The following GABRG3 variants were observed in gnomAD, a reference collection of about 807,000 sequenced individuals.
The protein encoded by GABRG3 is gamma-aminobutyric acid type A receptor subunit gamma3.
Under a neutral mutation model 48.8 loss-of-function variants are expected in GABRG3, and 25 were observed. The observed-to-expected ratio is 0.51, with a 90% CI of 0.37 to 0.72. GABRG3 has a LOEUF of 0.72. Ranked by LOEUF, GABRG3 falls within the 30% of genes least tolerant of loss-of-function variation. GABRG3 has a pLI of 0.00. For synonymous variants in GABRG3, 227 were observed against 217.6 expected, an observed-to-expected ratio of 1.04 and a Z score of -0.38; for missense variants, 394 against 577.9, an observed-to-expected ratio of 0.68 and a Z score of 3.26.
At chr15:27,080,528 GAGCTATTC>G (rs1896975832) in intron 3 of GABRG3, among the ~76,000 whole-genome samples, 1 of 152,102 alleles carries the variant, frequency 6.6e-6, no homozygotes, top group South Asian at 2.1e-4. Flanking sequence ...CATGTATTCC[GAGCTATTC>G]AGGAGGCCAG....
chr15:27,485,773 G>A (rs931137888), intron 6 of GABRG3, among the ~76,000 whole-genome samples: 2 of 151,982 alleles, frequency 1.3e-5, no homozygotes, highest in Non-Finnish European at 2.9e-5. Flanking sequence ...GAAGACAATG[G>A]AATTCCAAAT....
chr15:27,383,894 CATA>C (rs1355729196), intron 5 of GABRG3, among the ~76,000 whole-genome samples: 2 of 152,122 alleles, frequency 1.3e-5, no homozygotes, highest in Admixed American at 6.5e-5. Flanking sequence ...TGTTCGTTTT[CATA>C]ATGTCACAAA....
At chr15:27,360,148 C>T (rs892847778) in intron 5 of GABRG3, among the ~76,000 whole-genome samples, 11 of 152,166 alleles carry the variant, frequency 7.2e-5, no homozygotes, top group Non-Finnish European at 1.5e-4. Context: ...GAGGCAGTGA[C>T]ATCCAGGCCC....
At chr15:27,434,509 A>C (rs1454435961) in intron 5 of GABRG3, among the ~76,000 whole-genome samples, 1 of 152,102 alleles carries the variant, frequency 6.6e-6, no homozygotes, top group East Asian at 1.9e-4. Flanking sequence ...AATAATTCAT[A>C]ATAAATAATT....
chr15:27,516,475 C>A (rs1013919938), intron 6 of GABRG3, among the ~76,000 whole-genome samples: 13 of 152,236 alleles, frequency 8.5e-5, no homozygotes, highest in African/African-American at 3.1e-4. Flanking sequence ...AACTGCTCCT[C>A]CTTCCACAGC....
chr15:27,188,152 A>C (rs529887658), intron 3 of GABRG3, among the ~76,000 whole-genome samples: 168 of 152,170 alleles, frequency 1.1e-3, no homozygotes, highest in African/African-American at 4.0e-3. Flanking sequence ...GTTGGTTCCA[A>C]GTCTTTGCTT....
rs374611563 is a variant in GABRG3, at chr15:27,328,127, ACC to A, written c.492-678_492-677del. On this transcript the variant is annotated intron_variant, in intron 4 of 9. Transcript: ENST00000615808. ...CAAAAACAAACAAACAAAAAAAAAAACCAAAAAAAAAAAACACGCCACAGCTG... is the reference window on the plus strand; with the variant it reads ...CAAAAACAAACAAACAAAAAAAAAAAAAAAAAAAAAAACACGCCACAGCTG... Among the ~76,000 whole-genome samples the A allele has an allele frequency of 3.5e-4, 44 of 124,514 alleles. No homozygotes were observed. In the East Asian group the frequency reaches 8.8e-3, roughly 25 times the overall value. The allele number at this position is 124,514 out of a possible 152,430, so 81.7% of individuals were successfully genotyped here. A position where few individuals can be genotyped will look rare whatever the true frequency, so the allele number is the denominator to read the frequency against.
chr15:27,144,176 G>A (rs1898156221), intron 3 of GABRG3, among the ~76,000 whole-genome samples: 1 of 152,150 alleles, frequency 6.6e-6, no homozygotes, highest in Admixed American at 6.5e-5. Flanking sequence ...AATCTAAGTA[G>A]CATTTATTCA....
At chr15:27,136,309 C>A (rs910246273) in intron 3 of GABRG3, among the ~76,000 whole-genome samples, 1 of 152,070 alleles carries the variant, frequency 6.6e-6, no homozygotes, top group African/African-American at 2.4e-5. Context: ...TCTATAATGG[C>A]CAACATGGAA....
chr15:27,499,152 T>A (rs1042947988), intron 6 of GABRG3, among the ~76,000 whole-genome samples: 7 of 152,214 alleles, frequency 4.6e-5, no homozygotes, highest in African/African-American at 1.7e-4. Context: ...AATTACAAAT[T>A]AAAACAGTTC....
intron 2 of GABRG3, among the ~76,000 whole-genome samples, chr15:27,020,591 G>A (rs1272839241): frequency 7.1e-6 from 1 of 140,808 alleles, no homozygotes; most frequent in Non-Finnish European, 1.6e-5. Flanking sequence ...TTTTTTTTTT[G>A]TATTTTTAGC....
At chr15:27,530,776 G>A (rs1316054964) in intron 9 of GABRG3, 6 of 467,184 alleles carry the variant, frequency 1.3e-5, no homozygotes, top group Middle Eastern at 3.2e-4. Context: ...CTGTGTCTCC[G>A]GTAGCTCCCA....
chr15:27,199,693 C>T (rs903294186), intron 3 of GABRG3, among the ~76,000 whole-genome samples: 4 of 152,100 alleles, frequency 2.6e-5, no homozygotes, highest in African/African-American at 4.8e-5. Context: ...AAAAGTTTCC[C>T]AAGGCCTCAC....
chr15:27,386,724 G>A (rs761138122), intron 5 of GABRG3, among the ~76,000 whole-genome samples: 3 of 152,144 alleles, frequency 2.0e-5, no homozygotes, highest in Non-Finnish European at 4.4e-5. Flanking sequence ...TACAGACTCC[G>A]CTGTTTATAA....
chr15:27,260,036 A>T (rs74004760), intron 3 of GABRG3, among the ~76,000 whole-genome samples: 6,921 of 152,252 alleles, frequency 0.045, 434 homozygotes, highest in African/African-American at 0.14. Context: ...CCAGAAAAAT[A>T]ATGTTGTGTC....
intron 2 of GABRG3, among the ~76,000 whole-genome samples, chr15:27,007,162 C>G (rs1026226838): frequency 1.3e-5 from 2 of 151,910 alleles, no homozygotes; most frequent in Non-Finnish European, 2.9e-5. Context: ...TCACTGCAGC[C>G]TCTGCTCTCC....
At chr15:26,994,769 C>T (rs1895309908) in intron 2 of GABRG3, among the ~76,000 whole-genome samples, 1 of 151,964 alleles carries the variant, frequency 6.6e-6, no homozygotes, top group African/African-American at 2.4e-5. Flanking sequence ...TACCACATTT[C>T]CTTCTGTTAT....
chr15:27,224,116 T>G (rs571758393), intron 3 of GABRG3, among the ~76,000 whole-genome samples: 3 of 152,296 alleles, frequency 2.0e-5, no homozygotes, highest in Admixed American at 6.5e-5. Context: ...GAGCTCCCAG[T>G]GGCCTCCAAC....
At position 27,352,278 on chromosome 15, in the gene GABRG3, G is replaced by A. The variant is rs1894646665; in HGVS notation, c.574+23390G>A. 6.6e-6 allele frequency among the ~76,000 whole-genome samples: 1 copy of A among 151,872 alleles called. No individual in the cohort carries two copies. ...CTCCGTCTCGCGCTCACTGTTCACA[G>A]CGTAAATCCAGACCCATAGTGAGAG... On this transcript the variant is annotated intron_variant, in intron 5 of 9. Transcript: ENST00000615808. The surrounding 1 kb of genome is among the most constrained non-coding windows in gnomAD (Gnocchi z 4.0).
Sources: allele counts gnomAD v4.1 joint callset (sites outside exome capture counted in the v4.1 genomes callset), GRCh38; gene constraint gnomAD v4.1.1; non-coding constraint Gnocchi (gnomAD v3.1); transcripts MANE v1.5; gene names NCBI Gene and HGNC (gene_info 2026-07-23, HGNC 2026-07-21).